TMEM69: variants seen among roughly 807,000 people sequenced by gnomAD.
TMEM69 encodes transmembrane protein 69, also known as chromosome 1 open reading frame 154.
In TMEM69, 17 loss-of-function variants were observed where a neutral mutation model predicts 15.8. That is an observed-to-expected ratio of 1.07 (90% CI 0.73 to 1.61). The LOEUF is 1.61. TMEM69 is among the 40% of genes most tolerant of loss of function. The probability of loss-of-function intolerance (pLI) is 0.00; values close to 1 mark genes in which losing one functional copy is unlikely to be tolerated. For missense variants in TMEM69, 230 were observed against 286.1 expected, an observed-to-expected ratio of 0.80 and a Z score of 1.41; for synonymous variants, 80 against 98.6, an observed-to-expected ratio of 0.81 and a Z score of 1.12.
In TMEM69 at chr1:45,694,313, C is replaced by A; in HGVS notation, c.*408C>A. 1 of 649,960 alleles carries A rather than the reference C, an allele frequency of 1.5e-6. No homozygotes were observed. The highest frequency in any genetic ancestry group is 2.7e-6 in the Non-Finnish European group (1 of 370,990). The allele number at this position is 649,960 out of a possible 1,614,324, so 40.3% of individuals were successfully genotyped here. On this transcript the variant is annotated 3_prime_UTR_variant, in exon 3 of 3. Coordinates refer to ENST00000372025, the MANE Select transcript of TMEM69 (RefSeq NM_016486.4). ...TACTTGAGCAAAAGCTTGAAAATCC[C>A]TGACAAGTACTTTTCATCTCATAGT...
intron 1 of TMEM69, among the ~76,000 whole-genome samples, chr1:45,689,106 C>T (rs1645325764): frequency 6.6e-6 from 1 of 151,838 alleles, no homozygotes; most frequent in East Asian, 1.9e-4. Context: ...GGGGGAGGTT[C>T]ACTACGTTGG....
chr1:45,692,017 G>A (rs1030295192), intron 2 of TMEM69, among the ~76,000 whole-genome samples: 1 of 151,766 alleles, frequency 6.6e-6, no homozygotes, highest in African/African-American at 2.4e-5. Context: ...GCATGGTGGC[G>A]GACGCCTGTA....
In TMEM69 at chr1:45,688,287, G is replaced by C. The variant is rs1645315243; in HGVS notation, c.-96+12G>C. The C allele has an allele frequency of 6.6e-6, 1 of 152,220 alleles. No individual in the cohort carries two copies. Among genetic ancestry groups the C allele is most frequent in the Non-Finnish European group, 1.5e-5 (1 of 68,096 alleles). 9.4% of individuals were successfully genotyped at this position (152,220 alleles called of 1,614,324 possible). A position where few individuals can be genotyped will look rare whatever the true frequency, so the allele number is the denominator to read the frequency against. On this transcript the variant is annotated intron_variant, in intron 1 of 2. Transcript: ENST00000372025. ...CAAAGTCGCCACAGGTGCAGGTTGG[G>C]ATGGGAGGCACCAAGGGTTGGTAGT...
chr1:45,690,953 G>T, intron 1 of TMEM69, 21 bp from the exon 2 acceptor site: 1 of 1,045,158 alleles, frequency 9.6e-7, no homozygotes, highest in South Asian at 1.4e-5. Flanking sequence ...AAAATTAAGT[G>T]ACACCTTGTG....
At position 45,688,202 on chromosome 1, in the gene TMEM69, A is replaced by C. The variant is rs1171156666; in HGVS notation, c.-169A>C. The C allele has an allele frequency of 6.6e-6, 1 of 152,070 alleles. No individual in the cohort carries two copies. Among genetic ancestry groups the C allele is most frequent in the Non-Finnish European group, 1.5e-5 (1 of 68,050 alleles). The allele number at this position is 152,070 out of a possible 1,614,324, so 9.4% of individuals were successfully genotyped here. ...ATCCACTTGCCGGAAGTGCCTTTCC[A>C]GTGGACCTGGGCTGTTGTTGCGGTT... is the stretch of plus-strand genomic sequence containing the variant. On this transcript the variant is annotated 5_prime_UTR_variant, in exon 1 of 3. Transcript: ENST00000372025.
chr1:45,691,424 C>A (rs1645344350), intron 2 of TMEM69, among the ~76,000 whole-genome samples: 1 of 151,960 alleles, frequency 6.6e-6, no homozygotes, highest in African/African-American at 2.4e-5. Context: ...ACGCCTATAG[C>A]CCCAGCTACC....
intron 1 of TMEM69, among the ~76,000 whole-genome samples, chr1:45,690,491 G>A (rs556223896): frequency 6.6e-6 from 1 of 152,230 alleles, no homozygotes; most frequent in African/African-American, 2.4e-5. Context: ...GACACAGCAA[G>A]ACTCTTGTCT....
chr1:45,694,039 A>T lies in TMEM69; in HGVS notation c.*134A>T, dbSNP rs1377721061. 1 of 582,576 alleles carries T rather than the reference A, an allele frequency of 1.7e-6. No homozygotes were observed. The highest frequency in any genetic ancestry group is 1.9e-5 in the African/African-American group (1 of 53,308). 36.1% of individuals were successfully genotyped at this position (582,576 alleles called of 1,614,324 possible). On this transcript the variant is annotated 3_prime_UTR_variant, in exon 3 of 3. Coordinates refer to ENST00000372025, the MANE Select transcript of TMEM69 (RefSeq NM_016486.4). ...AGCGCCTCTGCCCGGCCGCTGTGCA[A>T]CCTTCCACGTGTGAAGTGACAGCCT... is the stretch of plus-strand genomic sequence containing the variant.
At chr1:45,689,682 C>CA (rs1252479579) in intron 1 of TMEM69, among the ~76,000 whole-genome samples, 5 of 152,102 alleles carry the variant, frequency 3.3e-5, no homozygotes, top group Non-Finnish European at 1.5e-5. Context: ...ACTAAAAATA[C>CA]AAAAAATGAG....
In TMEM69 at chr1:45,693,534, T is replaced by C; in HGVS notation, c.373T>C (p.Leu125=). Residue 125 remains leucine (L), a synonymous_variant, in exon 3 of 3, where the codon TTA becomes CTA. Transcript: ENST00000372025. ...MLMTKTYIPI[L]AFTQMAYGAS... is the part of the protein sequence containing the mutation. ...GATGACAAAAACTTATATTCCCATA[T>C]TAGCTTTTACTCAGATGGCTTATGG... is the stretch of plus-strand genomic sequence containing the variant. The C allele has an allele frequency of 1.2e-6, 2 of 1,614,228 alleles. No homozygotes were observed. Among genetic ancestry groups the C allele is most frequent in the Non-Finnish European group, 1.7e-6 (2 of 1,180,038 alleles).
rs369647551 is a variant in TMEM69, at chr1:45,693,539, T to G, written c.378T>G (p.Ala126=). Residue 126 remains alanine (A), a synonymous_variant, in exon 3 of 3, where the codon GCT becomes GCG. Transcript: ENST00000372025. ...CAAAAACTTATATTCCCATATTAGC[T>G]TTTACTCAGATGGCTTATGGAGCCA... ...LMTKTYIPIL[A]FTQMAYGASF... The G allele has an allele frequency of 1.9e-6, 3 of 1,614,234 alleles. No homozygotes were observed. The highest frequency in any genetic ancestry group is 8.5e-7 in the Non-Finnish European group (1 of 1,180,048).
In TMEM69 at chr1:45,693,352, A is replaced by G. The variant is rs1645358220; in HGVS notation, c.191A>G (p.Tyr64Cys). ...GCGTATATGAGCAAGACACAGTGCT[A>G]TCATACATCCCCCTGCAGCTTTAAA... ...FPAYMSKTQC[Y>C]HTSPCSFKKQ... Residue 64 changes from tyrosine to cysteine, a missense_variant, in exon 3 of 3, where the codon TAT becomes TGT. By Grantham distance (194) the Tyr-to-Cys change is radical. Transcript: ENST00000372025. 1 of 1,614,150 alleles carries G rather than the reference A, an allele frequency of 6.2e-7. No individual in the cohort carries two copies. Among genetic ancestry groups the G allele is most frequent in the African/African-American group, 1.3e-5 (1 of 75,026 alleles).
intron 1 of TMEM69, among the ~76,000 whole-genome samples, chr1:45,689,874 A>T (rs1401933942): frequency 6.6e-6 from 1 of 152,066 alleles, no homozygotes; most frequent in Admixed American, 6.5e-5. Flanking sequence ...CGTGGCCTGT[A>T]GTCCCAGCTC....
Position 45,694,237 on chromosome 1 carries a change from T to C in TMEM69, c.*332T>C. On this transcript the variant is annotated 3_prime_UTR_variant, in exon 3 of 3. Transcript: ENST00000372025. ...TTTTTTTCCCCACACCAATGGTAAT[T>C]TATCTTCACAGATTGTTCTTCATTT... is the stretch of plus-strand genomic sequence containing the variant. 1.8e-6 allele frequency: 1 copy of C among 556,928 alleles called. No individual in the cohort carries two copies. Among genetic ancestry groups the C allele is most frequent in the East Asian group, 3.1e-5 (1 of 32,120 alleles). The allele number at this position is 556,928 out of a possible 1,614,324, so 34.5% of individuals were successfully genotyped here. A position where few individuals can be genotyped will look rare whatever the true frequency, so the allele number is the denominator to read the frequency against.
At chr1:45,690,426 C>G (rs533850136) in intron 1 of TMEM69, among the ~76,000 whole-genome samples, 2 of 151,930 alleles carry the variant, frequency 1.3e-5, no homozygotes, top group African/African-American at 4.8e-5. Flanking sequence ...TGCTTGAACC[C>G]GGTAGGCAGA....
intron 1 of TMEM69, among the ~76,000 whole-genome samples, chr1:45,688,793 A>ATTAC (rs1038393014): frequency 2.6e-5 from 4 of 152,008 alleles, no homozygotes; most frequent in Non-Finnish European, 5.9e-5. Context: ...GAGGCCCAGG[A>ATTAC]TTACTTACCT....
In TMEM69 at chr1:45,694,140, AAAT is replaced by A; in HGVS notation, c.*237_*239del. On this transcript the variant is annotated 3_prime_UTR_variant, in exon 3 of 3. Coordinates refer to ENST00000372025, the MANE Select transcript of TMEM69 (RefSeq NM_016486.4). ...TTTACTTTTTAGTTAAAAGTTTTAA[AAAT>A]ATATATATATAAATACACTGTAGAT... 2.8e-6 allele frequency: 1 copy of A among 353,058 alleles called. No individual in the cohort carries two copies. Among genetic ancestry groups the A allele is most frequent in the Non-Finnish European group, 5.0e-6 (1 of 201,558 alleles). 21.9% of individuals were successfully genotyped at this position (353,058 alleles called of 1,614,324 possible).
At chr1:45,690,546 G>C (rs1439254292) in intron 1 of TMEM69, among the ~76,000 whole-genome samples, 2 of 152,006 alleles carry the variant, frequency 1.3e-5, no homozygotes, top group Admixed American at 6.5e-5. Flanking sequence ...ATATTGGTTG[G>C]TACTATCGTT....
At chr1:45,690,729 C>A (rs1569921779) in intron 1 of TMEM69, among the ~76,000 whole-genome samples, 1 of 152,064 alleles carries the variant, frequency 6.6e-6, no homozygotes, top group East Asian at 1.9e-4. Flanking sequence ...CAGTGTCACA[C>A]AGCTAGGAAA....
Sources: allele counts gnomAD v4.1 joint callset (sites outside exome capture counted in the v4.1 genomes callset), GRCh38; gene constraint gnomAD v4.1.1; transcripts MANE v1.5; gene names NCBI Gene and HGNC (gene_info 2026-07-23, HGNC 2026-07-21).